Variants in PEPD observed in about 807,000 individuals in gnomAD.
PEPD encodes xaa-Pro dipeptidase.
Under a neutral mutation model 60.7 loss-of-function variants are expected in PEPD, and 53 were observed. That is an observed-to-expected ratio of 0.87 (90% CI 0.70 to 1.10). The LOEUF (loss-of-function observed/expected upper bound fraction) is 1.10. PEPD is among the 50% of genes least tolerant of loss of function. PEPD has a pLI of 0.00. For synonymous variants in PEPD, 267 were observed against 284.1 expected (o/e 0.94, Z 0.60); for missense variants, 711 against 711.9 (o/e 1.00, Z 0.01).
At chr19:33,452,048 A>C (rs532033815) in intron 9 of PEPD, among the ~76,000 whole-genome samples, 1 of 152,224 alleles carries the variant, frequency 6.6e-6, no homozygotes, top group Non-Finnish European at 1.5e-5. Context: ...GATAAAAACT[A>C]AACACTTTCC....
intron 12 of PEPD, among the ~76,000 whole-genome samples, chr19:33,392,333 A>T (rs557403334): frequency 3.9e-5 from 6 of 152,330 alleles, no homozygotes; most frequent in South Asian, 2.1e-4. Flanking sequence ...GTAGAGCCTC[A>T]GCAGCCCACG....
At chr19:33,431,992 C>CAAAAAAAAAAAAAAAAAAAAAAAAAAA (rs906879187) in intron 9 of PEPD, among the ~76,000 whole-genome samples, 22 of 77,844 alleles carry the variant, frequency 2.8e-4, no homozygotes, top group East Asian at 4.6e-4. Context: ...GACACCACCT[C>CAAAAAAAAAAAAAAAAAAAAAAAAAAA]AAAAAAAAAA....
intron 12 of PEPD, among the ~76,000 whole-genome samples, chr19:33,393,198 G>A (rs118005033): frequency 0.084 from 12,350 of 147,478 alleles, 555 homozygotes; most frequent in Middle Eastern, 0.14. Context: ...AGGCCGTCCC[G>A]GGGTCTGGGG....
intron 9 of PEPD, among the ~76,000 whole-genome samples, chr19:33,436,115 C>T (rs751528901): frequency 1.0e-4 from 15 of 148,384 alleles, no homozygotes; most frequent in Non-Finnish European, 1.3e-4. Flanking sequence ...AGGAGGAGAG[C>T]GGGGAGAAAA....
intron 13 of PEPD, among the ~76,000 whole-genome samples, chr19:33,389,827 T>A (rs1968169296): frequency 6.6e-6 from 1 of 152,234 alleles, no homozygotes; most frequent in Non-Finnish European, 1.5e-5. Context: ...GTGGCGCAGC[T>A]GCCCCTTCAG....
intron 6 of PEPD, among the ~76,000 whole-genome samples, chr19:33,489,720 C>T (rs974496329): frequency 1.3e-5 from 2 of 152,168 alleles, no homozygotes; most frequent in African/African-American, 4.8e-5. Context: ...AAACAACCCA[C>T]CTGTGCCTGC....
Position 33,512,574 on chromosome 19 carries a change from GC to G in PEPD, c.201+18del. ...ACCATCACACACCTGCTCACTTGTG[GC>G]CAAGCGGGGAGGCTCACCTGGCGGA... On this transcript the variant is annotated intron_variant, in intron 2 of 14. Coordinates refer to ENST00000244137, the MANE Select transcript of PEPD (RefSeq NM_000285.4). The G allele has an allele frequency of 6.2e-7, 1 of 1,610,904 alleles. No homozygotes were observed.
chr19:33,512,614 G>T lies in PEPD; in HGVS notation c.180C>A (p.Asp60Glu). The T allele has an allele frequency of 6.2e-7, 1 of 1,613,904 alleles. No individual in the cohort carries two copies. Among genetic ancestry groups the T allele is most frequent in the Non-Finnish European group, 8.5e-7 (1 of 1,179,966 alleles). ...GGEETQRYCT[D>E]TGVLFRQESF... is the part of the protein sequence containing the mutation. ...TCACCTGGCGGAAGAGGACCCCGGT[G>T]TCGGTGCAGTAGCGCTGAGTCTCCT... The change falls in exon 2 of 15, where the codon GAC becomes GAA. Residue 60 changes from aspartate to glutamate, a missense_variant. Asp to Glu is a conservative substitution (Grantham distance 45). Coordinates refer to ENST00000244137, the MANE Select transcript of PEPD (RefSeq NM_000285.4).
intron 9 of PEPD, among the ~76,000 whole-genome samples, chr19:33,431,505 C>T (rs143810012): frequency 2.6e-5 from 4 of 152,324 alleles, no homozygotes; most frequent in East Asian, 3.9e-4. Context: ...ATTCCACTCT[C>T]GATGTTTCCT....
intron 6 of PEPD, among the ~76,000 whole-genome samples, chr19:33,480,163 T>C (rs922157260): frequency 5.3e-5 from 8 of 152,188 alleles, no homozygotes; most frequent in African/African-American, 1.9e-4. Context: ...AGACACACTT[T>C]AGATTCAAAG....
At position 33,410,103 on chromosome 19, in the gene PEPD, T is replaced by A. The variant is rs548500740; in HGVS notation, c.818+1569A>T. Among the ~76,000 whole-genome samples the A allele has an allele frequency of 3.9e-5, 6 of 152,352 alleles. No homozygotes were observed. The East Asian group carries it at 1.2e-3, about 29-fold the overall frequency. ...AGTGAACCAGGATCCGTGGAGCCAG[T>A]GCTGTCGGGTAGGCCAGGGAGTCCA... On this transcript the variant is annotated intron_variant, in intron 11 of 14. Transcript: ENST00000244137.
At chr19:33,462,081 C>T (rs573639277) in intron 9 of PEPD, among the ~76,000 whole-genome samples, 46 of 152,372 alleles carry the variant, frequency 3.0e-4, no homozygotes, top group Non-Finnish European at 5.7e-4. Flanking sequence ...CGGCCCTGCA[C>T]CCCACTGATG....
intron 6 of PEPD, among the ~76,000 whole-genome samples, chr19:33,487,770 T>G (rs1452411305): frequency 6.6e-6 from 1 of 151,418 alleles, no homozygotes; most frequent in Admixed American, 6.6e-5. Flanking sequence ...GGTGACAGGG[T>G]GGGGTGGGGA....
intron 9 of PEPD, among the ~76,000 whole-genome samples, chr19:33,430,706 C>T (rs990642144): frequency 1.3e-5 from 2 of 152,144 alleles, no homozygotes; most frequent in Admixed American, 6.5e-5. Flanking sequence ...TAAAAGCTAC[C>T]TGTCAAAGAC....
At chr19:33,496,654 G>A (rs1291453731) in intron 4 of PEPD, among the ~76,000 whole-genome samples, 6 of 151,664 alleles carry the variant, frequency 4.0e-5, no homozygotes, top group African/African-American at 1.5e-4. Context: ...CGTTTCCACG[G>A]AGTGGTGGCC....
At position 33,455,296 on chromosome 19, in the gene PEPD, G is replaced by A. The variant is rs145547848; in HGVS notation, c.671+7699C>T. ...TCTCTAATGTTCCTGTGACTTTTCC[G>A]TAATCCAAAACTATCCTAAAATAAA... is the stretch of plus-strand genomic sequence containing the variant. On this transcript the variant is annotated intron_variant, in intron 9 of 14. Coordinates refer to ENST00000244137, the MANE Select transcript of PEPD (RefSeq NM_000285.4). Among the ~76,000 whole-genome samples the A allele has an allele frequency of 4.6e-5, 7 of 152,186 alleles. No individual in the cohort carries two copies. In the East Asian group the frequency reaches 5.8e-4, roughly 13 times the overall value.
rs535926490 is a variant in PEPD, at chr19:33,417,019, C to T, written c.672-3376G>A. Among the ~76,000 whole-genome samples, 492 of 152,266 alleles carry T rather than the reference C, an allele frequency of 3.2e-3. 1 individual carries two copies. Among genetic ancestry groups the T allele is most frequent in the Middle Eastern group, 0.01 (3 of 294 alleles). ...ACAAATCCAGCCCGTGGAGCGCTCC[C>T]GGGCACACGGCCCAGCTCCTGCCCT... On this transcript the variant is annotated intron_variant, in intron 9 of 14. Coordinates refer to ENST00000244137, the MANE Select transcript of PEPD (RefSeq NM_000285.4).
intron 6 of PEPD, among the ~76,000 whole-genome samples, chr19:33,480,773 G>A (rs368280267): frequency 6.5e-4 from 99 of 151,946 alleles, no homozygotes; most frequent in African/African-American, 2.4e-3. Context: ...CCAGCCTGGC[G>A]ACACAGCAAG....
chr19:33,406,122 C>T (rs116563882), intron 11 of PEPD, among the ~76,000 whole-genome samples: 5,231 of 152,238 alleles, frequency 0.034, 259 homozygotes, highest in African/African-American at 0.11. Flanking sequence ...GGGTGAGGCC[C>T]GGGCGTCAGG....
Sources: gnomAD v4.1 joint callset for allele counts (sites outside exome capture counted in the v4.1 genomes callset) on GRCh38, gnomAD v4.1.1 for gene constraint, MANE v1.5 for transcripts, NCBI Gene and HGNC (gene_info 2026-07-23, HGNC 2026-07-21) for gene names.